ARHGAP32: variants seen among roughly 807,000 people sequenced by gnomAD.
ARHGAP32 encodes the protein rho GTPase-activating protein 32.
ARHGAP32 carries 51 observed loss-of-function variants against 186.5 expected under a neutral mutation model. The ratio of observed to expected loss-of-function variants is 0.27; its 90% CI spans 0.22 to 0.35. The LOEUF is 0.35. Among genes scored for constraint, ARHGAP32 ranks in the 10% least tolerant of loss-of-function variants. ARHGAP32 has a pLI of 1.00. For missense variants in ARHGAP32, 2,186 were observed against 2,623.5 expected, an observed-to-expected ratio of 0.83 and a Z score of 3.64; for synonymous variants, 950 against 964.3, an observed-to-expected ratio of 0.99 and a Z score of 0.27.
intron 11 of ARHGAP32, among the ~76,000 whole-genome samples, chr11:129,037,003 G>A (rs1939370262): frequency 6.6e-6 from 1 of 152,140 alleles, no homozygotes; most frequent in Non-Finnish European, 1.5e-5. Context: ...CTAATAAACA[G>A]TTCAGCAAGG....
In ARHGAP32 at chr11:129,040,953, T is replaced by G; in HGVS notation, c.1020A>C (p.Ser340=). The G allele has an allele frequency of 6.2e-7, 1 of 1,606,902 alleles. No individual in the cohort carries two copies. The highest frequency in any genetic ancestry group is 8.5e-7 in the Non-Finnish European group (1 of 1,176,470). The change falls in exon 11 of 23, where the codon TCA becomes TCC. Residue 340 remains serine, a synonymous_variant. Coordinates refer to ENST00000682385, the MANE Select transcript of ARHGAP32 (RefSeq NM_001378024.1). ...VELINQKVPQ[S]VTNSVPKPVS... is the part of the protein sequence containing the mutation. ...CTGGTTTTGGCACTGAGTTGGTCAC[T>G]GACTGGGGAACTTTTTGGTTAATTA...
intron 2 of ARHGAP32, among the ~76,000 whole-genome samples, chr11:129,131,365 C>G (rs1159768151): frequency 6.6e-6 from 1 of 151,540 alleles, no homozygotes; most frequent in Non-Finnish European, 1.5e-5. Flanking sequence ...GTTCTACATT[C>G]GTCTGGAATA....
Position 129,092,811 on chromosome 11 carries a change from T to C in ARHGAP32, c.531+810A>G, listed in dbSNP as rs535076080. 2.0e-5 allele frequency among the ~76,000 whole-genome samples: 3 copies of C among 152,124 alleles called. No individual in the cohort carries two copies. In the East Asian group the frequency reaches 5.8e-4, roughly 29 times the overall value. ...TTTTGAGAAAAAATATAAATGCCCA[T>C]ATCTTACTCTCTCCCAAAGATAGCT... On this transcript the variant is annotated intron_variant, in intron 6 of 22. Coordinates refer to ENST00000682385, the MANE Select transcript of ARHGAP32 (RefSeq NM_001378024.1).
chr11:129,250,440 A>G (rs1318550052), intron 1 of ARHGAP32, among the ~76,000 whole-genome samples: 4 of 152,348 alleles, frequency 2.6e-5, no homozygotes, highest in East Asian at 3.9e-4. Flanking sequence ...AACCCTGAAT[A>G]CTATTATTTC....
intron 2 of ARHGAP32, among the ~76,000 whole-genome samples, chr11:129,131,329 G>C (rs1372404455): frequency 6.6e-6 from 1 of 152,016 alleles, no homozygotes; most frequent in East Asian, 1.9e-4. Flanking sequence ...AAAAGGTCAA[G>C]AGGAATTTTT....
At chr11:129,122,050 C>T (rs188434877) in intron 5 of ARHGAP32, among the ~76,000 whole-genome samples, 2 of 152,134 alleles carry the variant, frequency 1.3e-5, no homozygotes, top group East Asian at 1.9e-4. Flanking sequence ...AAGCTACTTG[C>T]CCAAGGTCAT....
chr11:129,094,871 T>C (rs1036757523), intron 5 of ARHGAP32, among the ~76,000 whole-genome samples: 1 of 152,216 alleles, frequency 6.6e-6, no homozygotes, highest in East Asian at 1.9e-4. Context: ...AACTGGAAAA[T>C]GAGGATGATA....
chr11:129,034,851 TA>T (rs35010486), intron 11 of ARHGAP32, among the ~76,000 whole-genome samples: 83,259 of 137,138 alleles, frequency 0.61, 24,487 homozygotes, highest in Non-Finnish European at 0.68. Flanking sequence ...GAAAACAGAG[TA>T]AAAAAAAAAA....
rs371266707 is a variant in ARHGAP32 at position 128,998,440 on chromosome 11, C to T, written c.1074G>A (p.Thr358=). The change falls in exon 12 of 23, where the codon ACG becomes ACA. Residue 358 remains threonine (T), a synonymous_variant. Transcript: ENST00000682385. Reference sequence around the variant, plus strand: ...GAGACTTCATGAATGTTCGTAAGAACGTAATGAGCTTGCCGTGCTTTTTAG... The same window carrying T: ...GAGACTTCATGAATGTTCGTAAGAATGTAATGAGCTTGCCGTGCTTTTTAG... ...PVSKKHGKLI[T]FLRTFMKSRP... is the part of the protein sequence containing the mutation. 348 of 1,575,530 alleles carry T rather than the reference C, an allele frequency of 2.2e-4. No individual in the cohort carries two copies. The Middle Eastern group carries it at 3.0e-3, about 14-fold the overall frequency.
intron 6 of ARHGAP32, among the ~76,000 whole-genome samples, chr11:129,088,594 C>T (rs573082100): frequency 6.6e-6 from 1 of 151,972 alleles, no homozygotes; most frequent in African/African-American, 2.4e-5. Flanking sequence ...ATCAATCAAT[C>T]AATAAAATAG....
intron 6 of ARHGAP32, among the ~76,000 whole-genome samples, chr11:129,092,424 T>C (rs1454919472): frequency 2.6e-5 from 4 of 151,962 alleles, no homozygotes; most frequent in African/African-American, 9.7e-5. Context: ...CATCCATCTA[T>C]TAGTAATCAC....
chr11:129,139,323 A>G (rs1942999690), intron 2 of ARHGAP32, among the ~76,000 whole-genome samples: 1 of 152,216 alleles, frequency 6.6e-6, no homozygotes, highest in African/African-American at 2.4e-5. Context: ...CTGTATAGTC[A>G]TTAAATATGT....
chr11:129,029,151 TC>T (rs2134950661), intron 11 of ARHGAP32, among the ~76,000 whole-genome samples: 1 of 152,306 alleles, frequency 6.6e-6, no homozygotes, highest in African/African-American at 2.4e-5. Flanking sequence ...TAACCTCAAT[TC>T]AGCCCATCTT....
At chr11:129,058,570 A>G (rs968207186) in intron 10 of ARHGAP32, among the ~76,000 whole-genome samples, 1 of 152,200 alleles carries the variant, frequency 6.6e-6, no homozygotes, top group African/African-American at 2.4e-5. Context: ...TTTCACCCCT[A>G]CTGAGGCCCC....
At chr11:129,052,528 T>C (rs1940094824) in intron 10 of ARHGAP32, among the ~76,000 whole-genome samples, 1 of 152,158 alleles carries the variant, frequency 6.6e-6, no homozygotes, top group African/African-American at 2.4e-5. Context: ...AAAAACAGTA[T>C]ATCTCTCCAT....
chr11:129,096,987 T>C (rs1003817307), intron 5 of ARHGAP32, among the ~76,000 whole-genome samples: 5 of 152,034 alleles, frequency 3.3e-5, no homozygotes, highest in Admixed American at 6.6e-5. Flanking sequence ...AGGCTGATCT[T>C]TGGCACAGAG....
At chr11:129,274,182 G>C (rs979981717) in intron 1 of ARHGAP32, among the ~76,000 whole-genome samples, 2 of 152,072 alleles carry the variant, frequency 1.3e-5, no homozygotes, top group Admixed American at 6.6e-5. Flanking sequence ...GCCCTCCCTT[G>C]TCCAGTAAAA....
chr11:128,999,677 TAGACC>T (rs1295260325), intron 11 of ARHGAP32, among the ~76,000 whole-genome samples: 1 of 152,214 alleles, frequency 6.6e-6, no homozygotes, highest in Non-Finnish European at 1.5e-5. Flanking sequence ...CTTTATTTCT[TAGACC>T]AGCCGACACT....
chr11:129,071,133 A>T (rs1243017738), intron 6 of ARHGAP32, among the ~76,000 whole-genome samples: 1 of 152,042 alleles, frequency 6.6e-6, no homozygotes, highest in South Asian at 2.1e-4. Flanking sequence ...TTGAATGTAT[A>T]CTGATGTTAT....
Sources: allele counts gnomAD v4.1 joint callset (sites outside exome capture counted in the v4.1 genomes callset), GRCh38; gene constraint gnomAD v4.1.1; transcripts MANE v1.5; gene names NCBI Gene and HGNC (gene_info 2026-07-23, HGNC 2026-07-21).